The following FAM168A variants were observed in gnomAD, a reference collection of about 807,000 sequenced individuals.
FAM168A encodes the protein protein FAM168A.
In FAM168A, 3 loss-of-function variants were observed where a neutral mutation model predicts 28.5. The observed-to-expected ratio is 0.11, with a 90% CI of 0.05 to 0.27. The LOEUF (loss-of-function observed/expected upper bound fraction) is 0.27, where lower values mean the gene tolerates loss of function less well. FAM168A is among the 10% of genes least tolerant of loss of function. The pLI is 1.00. For synonymous variants in FAM168A, 122 were observed against 124.2 expected, an observed-to-expected ratio of 0.98 and a Z score of 0.12; for missense variants, 222 against 311.5, an observed-to-expected ratio of 0.71 and a Z score of 2.16.
intron 1 of FAM168A, among the ~76,000 whole-genome samples, chr11:73,572,247 G>A (rs1176126869): frequency 2.0e-5 from 3 of 151,416 alleles, no homozygotes; most frequent in African/African-American, 7.3e-5. Flanking sequence ...CCGTCCGGGA[G>A]GGAGGTGGGG....
intron 1 of FAM168A, among the ~76,000 whole-genome samples, chr11:73,589,177 C>T (rs60123349): frequency 0.018 from 2,759 of 152,204 alleles, 65 homozygotes; most frequent in African/African-American, 0.056. Flanking sequence ...AAATGACCAA[C>T]GCATAATGCT....
rs539507326 is a variant in FAM168A, at chr11:73,497,532, A to G, written c.-18-29040T>C. The stretch of plus-strand genomic sequence containing the variant: ...TTCTAGTATATCTGTGCTGTCCAAT[A>G]TAGTAGCTATTAGCCACATGTAGCT... On this transcript the variant is annotated intron_variant, in intron 1 of 7. Transcript: ENST00000356467. 4.6e-5 allele frequency among the ~76,000 whole-genome samples: 7 copies of G among 152,326 alleles called. No individual in the cohort carries two copies. In the East Asian group the frequency reaches 1.3e-3, roughly 29 times the overall value.
chr11:73,478,890 G>A (rs1465740498), intron 1 of FAM168A, among the ~76,000 whole-genome samples: 1 of 152,274 alleles, frequency 6.6e-6, no homozygotes, highest in African/African-American at 2.4e-5. Context: ...CAACTAAAGT[G>A]GGGTGATGGG....
intron 1 of FAM168A, among the ~76,000 whole-genome samples, chr11:73,490,525 C>G (rs1868113430): frequency 6.6e-6 from 1 of 152,198 alleles, no homozygotes; most frequent in Non-Finnish European, 1.5e-5. Flanking sequence ...CTGTTACTCT[C>G]CTCAACTTCA....
In FAM168A at chr11:73,477,216, G is replaced by T. The variant is rs574204652; in HGVS notation, c.-18-8724C>A. On this transcript the variant is annotated intron_variant, in intron 1 of 7. Coordinates refer to ENST00000356467, the MANE Select transcript of FAM168A (RefSeq NM_015159.3). Reference sequence around the variant, plus strand: ...ACAATAGACACTAGGACTTACTTGGGCAGGGAGGGTTGAAGGAGGGTGAAA... The same window carrying T: ...ACAATAGACACTAGGACTTACTTGGTCAGGGAGGGTTGAAGGAGGGTGAAA... 1.9e-3 allele frequency among the ~76,000 whole-genome samples: 295 copies of T among 152,004 alleles called. 4 individuals carry two copies. Among genetic ancestry groups the T allele is most frequent in the African/African-American group, 6.5e-3 (269 of 41,446 alleles).
intron 1 of FAM168A, among the ~76,000 whole-genome samples, chr11:73,559,356 G>A (rs1321298698): frequency 3.9e-5 from 6 of 152,084 alleles, no homozygotes; most frequent in East Asian, 3.9e-4. Context: ...GCAGTGAGCC[G>A]AGATCGCGCC....
intron 1 of FAM168A, among the ~76,000 whole-genome samples, chr11:73,543,026 C>A (rs532192040): frequency 6.6e-6 from 1 of 152,210 alleles, no homozygotes; most frequent in African/African-American, 2.4e-5. Flanking sequence ...TCCTTTATTT[C>A]ATTAAGATCT....
chr11:73,556,251 A>G (rs1314453484), intron 1 of FAM168A, among the ~76,000 whole-genome samples: 1 of 152,022 alleles, frequency 6.6e-6, no homozygotes, highest in Non-Finnish European at 1.5e-5. Flanking sequence ...TGGGAGGCTG[A>G]GGCAAGAGGA....
At chr11:73,456,439 T>A (rs1460252587) in intron 2 of FAM168A, among the ~76,000 whole-genome samples, 1 of 152,168 alleles carries the variant, frequency 6.6e-6, no homozygotes, top group Non-Finnish European at 1.5e-5. Context: ...TGAGAACCCA[T>A]CACTGTGAAC....
At chr11:73,515,383 C>T (rs894175150) in intron 1 of FAM168A, among the ~76,000 whole-genome samples, 2 of 151,904 alleles carry the variant, frequency 1.3e-5, no homozygotes, top group African/African-American at 4.8e-5. Flanking sequence ...GTGGCAGATG[C>T]CTGTAATCCA....
intron 1 of FAM168A, among the ~76,000 whole-genome samples, chr11:73,584,240 A>C (rs1944282231): frequency 6.6e-6 from 1 of 150,498 alleles, no homozygotes; most frequent in African/African-American, 2.4e-5. Context: ...TGGCATGATC[A>C]GTGCTCCCTG....
intron 4 of FAM168A, among the ~76,000 whole-genome samples, chr11:73,412,932 C>CT (rs1323254976): frequency 6.6e-6 from 1 of 152,222 alleles, no homozygotes; most frequent in Non-Finnish European, 1.5e-5. Context: ...GAGAAGACAT[C>CT]TAGTCTTCAG....
intron 1 of FAM168A, among the ~76,000 whole-genome samples, chr11:73,505,450 A>G (rs1377601349): frequency 6.6e-6 from 1 of 152,242 alleles, no homozygotes; most frequent in Non-Finnish European, 1.5e-5. Flanking sequence ...TGTTTAGAAC[A>G]ATGCCCAACA....
intron 1 of FAM168A, among the ~76,000 whole-genome samples, chr11:73,532,346 G>A (rs1396826916): frequency 6.6e-6 from 1 of 152,084 alleles, no homozygotes; most frequent in Non-Finnish European, 1.5e-5. Flanking sequence ...CACCGCAGGA[G>A]TAATGTATAT....
At chr11:73,407,858 C>T (rs1866535677) in intron 6 of FAM168A, among the ~76,000 whole-genome samples, 6 of 152,184 alleles carry the variant, frequency 3.9e-5, no homozygotes, top group Admixed American at 3.9e-4. Context: ...GAATCAATGA[C>T]TATTCTAAGT....
rs556851728 is a variant in FAM168A at position 73,521,624 on chromosome 11, T to G, written c.-18-53132A>C. Among the ~76,000 whole-genome samples the G allele has an allele frequency of 3.9e-4, 60 of 152,232 alleles. 1 individual carries two copies. Among genetic ancestry groups the G allele is most frequent in the Admixed American group, 2.6e-3 (39 of 15,292 alleles). On this transcript the variant is annotated intron_variant, in intron 1 of 7. Coordinates refer to ENST00000356467, the MANE Select transcript of FAM168A (RefSeq NM_015159.3). ...TTACCTGGATAAAACAACCACAGAT[T>G]ATCTTCACTAAGCAAAGAAAACACA... is the stretch of plus-strand genomic sequence containing the variant.
chr11:73,480,184 T>G (rs947596100), intron 1 of FAM168A, among the ~76,000 whole-genome samples: 2 of 152,184 alleles, frequency 1.3e-5, no homozygotes, highest in Non-Finnish European at 2.9e-5. Context: ...GCTTCCACAG[T>G]TACCAGAAAG....
intron 1 of FAM168A, among the ~76,000 whole-genome samples, chr11:73,559,324 T>A (rs1943928639): frequency 6.6e-6 from 1 of 152,054 alleles, no homozygotes; most frequent in African/African-American, 2.4e-5. Context: ...GGAGAATCGC[T>A]TGAATCCAGG....
chr11:73,474,783 T>A (rs1258228913), intron 1 of FAM168A, among the ~76,000 whole-genome samples: 1 of 152,198 alleles, frequency 6.6e-6, no homozygotes, highest in Non-Finnish European at 1.5e-5. Context: ...TACATATTAG[T>A]TGAACAAACA....
Sources: allele counts gnomAD v4.1 joint callset (sites outside exome capture counted in the v4.1 genomes callset), GRCh38; gene constraint gnomAD v4.1.1; transcripts MANE v1.5; gene names NCBI Gene and HGNC (gene_info 2026-07-23, HGNC 2026-07-21).